The following ZBTB24 variants were observed in gnomAD, a reference collection of about 807,000 sequenced individuals.
ZBTB24 encodes zinc finger and BTB domain containing 24.
ZBTB24 carries 32 observed loss-of-function variants against 53.8 expected under a neutral mutation model. That is an observed-to-expected ratio of 0.60 (90% CI 0.45 to 0.80). The LOEUF is 0.80. Among genes scored for constraint, ZBTB24 ranks in the 30% least tolerant of loss-of-function variants. The pLI, the probability that ZBTB24 is intolerant of heterozygous loss-of-function variation, is 0.00. For missense variants in ZBTB24, 722 were observed against 837.1 expected (o/e 0.86, Z 1.70); for synonymous variants, 297 against 306.7 (o/e 0.97, Z 0.33).
rs1312380974 is a variant in ZBTB24 at position 109,483,208 on chromosome 6, A to AGCC, written c.-142_-140dup. On this transcript the variant is annotated 5_prime_UTR_variant, in exon 1 of 7. Transcript: ENST00000230122. ...GTTTCTGCTCCTGCGCCGCCGCCGC[A>AGCC]GCCACAGCCACAGCCAACCCGGAAG... 2 of 151,906 alleles carry AGCC rather than the reference A, an allele frequency of 1.3e-5. No homozygotes were observed. Among genetic ancestry groups the AGCC allele is most frequent in the Admixed American group, 1.3e-4 (2 of 15,238 alleles). The allele number at this position is 151,906 out of a possible 1,614,324, so 9.4% of individuals were successfully genotyped here.
intron 5 of ZBTB24, among the ~76,000 whole-genome samples, chr6:109,474,827 C>A (rs1582676742): frequency 6.6e-6 from 1 of 151,926 alleles, no homozygotes; most frequent in East Asian, 1.9e-4. Flanking sequence ...CTGCTTGAGC[C>A]CAGGAGTTCA....
chr6:109,463,611 ATC>A lies in ZBTB24; in HGVS notation c.*2238_*2239del, dbSNP rs755603393. On this transcript the variant is annotated 3_prime_UTR_variant, in exon 7 of 7. Transcript: ENST00000230122. Reference sequence around the variant, plus strand: ...TTTGTCTTAGCTACTTGATATGAGAATCTGTTTTCAACTGTAAGTTGTATGAA... The same window carrying A: ...TTTGTCTTAGCTACTTGATATGAGAATGTTTTCAACTGTAAGTTGTATGAA... 1 of 152,228 alleles carries A rather than the reference ATC, an allele frequency of 6.6e-6. No homozygotes were observed. Among genetic ancestry groups the A allele is most frequent in the African/African-American group, 2.4e-5 (1 of 41,458 alleles). The allele number at this position is 152,228 out of a possible 1,614,324, so 9.4% of individuals were successfully genotyped here.
intron 1 of ZBTB24, among the ~76,000 whole-genome samples, chr6:109,482,498 G>GT (rs773867934): frequency 0.3 from 42,623 of 144,038 alleles, 6,301 homozygotes; most frequent in East Asian, 0.45. Context: ...TTAGCTCGCG[G>GT]TTTTTTTTTT....
rs1238634719 is a variant in ZBTB24 at position 109,466,062 on chromosome 6, C to A, written c.1883G>T (p.Gly628Val). Residue 628 changes from glycine (G) to valine (V), a missense_variant, in exon 7 of 7, where the codon GGG becomes GTG. Coordinates refer to ENST00000230122, the MANE Select transcript of ZBTB24 (RefSeq NM_014797.3). ...QSLNMIESQMGPSQTEPVHVI... is the reference protein window; with the variant it reads ...QSLNMIESQMVPSQTEPVHVI... ...GTGCACTGGCTCTGTTTGTGAGGGC[C>A]CCATCTGGCTTTCAATCATATTGAG... The A allele has an allele frequency of 1.2e-6, 2 of 1,614,154 alleles. No individual in the cohort carries two copies. The highest frequency in any genetic ancestry group is 1.7e-6 in the Non-Finnish European group (2 of 1,180,034).
chr6:109,467,664 G>T lies in ZBTB24; in HGVS notation c.1359C>A (p.Ile453=). Reference sequence around the variant, plus strand: ...CTGCAAAACTTTACCGATGGATTCTGATGTGGGTCTGAAGAGAACTCTTTG... The same window carrying T: ...CTGCAAAACTTTACCGATGGATTCTTATGTGGGTCTGAAGAGAACTCTTTG... ...FTAKSSLQTH[I]RIHRGEKPYS... The change falls in exon 6 of 7, where the codon ATC becomes ATA. Residue 453 remains isoleucine (I), a synonymous_variant. Transcript: ENST00000230122. 2 of 1,614,136 alleles carry T rather than the reference G, an allele frequency of 1.2e-6. No individual in the cohort carries two copies. The highest frequency in any genetic ancestry group is 1.7e-6 in the Non-Finnish European group (2 of 1,180,026).
Position 109,481,879 on chromosome 6 carries a change from C to A in ZBTB24, c.148G>T (p.Ala50Ser). Residue 50 changes from alanine (A) to serine (S), a missense_variant, in exon 2 of 7, where the codon GCC becomes TCC. Coordinates refer to ENST00000230122, the MANE Select transcript of ZBTB24 (RefSeq NM_014797.3). ...CTGGCAGCAAGTAAGGCTTTGTGGG[C>A]CCGGAAATGTACATTCTCCACGATT... ...TLIVENVHFRAHKALLAASSE... is the reference protein window; with the variant it reads ...TLIVENVHFRSHKALLAASSE... 6.2e-7 allele frequency: 1 copy of A among 1,614,104 alleles called. No homozygotes were observed. Among genetic ancestry groups the A allele is most frequent in the Non-Finnish European group, 8.5e-7 (1 of 1,180,018 alleles).
At chr6:109,473,647 C>G (rs938364431) in intron 5 of ZBTB24, among the ~76,000 whole-genome samples, 1 of 152,218 alleles carries the variant, frequency 6.6e-6, no homozygotes, top group African/African-American at 2.4e-5. Flanking sequence ...CCCCTTAAGG[C>G]AGGGGCCTGT....
At position 109,465,332 on chromosome 6, in the gene ZBTB24, A is replaced by G. The variant is rs1776007305; in HGVS notation, c.*519T>C. On this transcript the variant is annotated 3_prime_UTR_variant, in exon 7 of 7. Coordinates refer to ENST00000230122, the MANE Select transcript of ZBTB24 (RefSeq NM_014797.3). ...GTTACTTTGTCTTAGGGGACTGGAA[A>G]TTATTAAAAGGGCAAATTCCCCATA... 3.0e-6 allele frequency: 1 copy of G among 331,130 alleles called. No homozygotes were observed. The highest frequency in any genetic ancestry group is 2.1e-5 in the African/African-American group (1 of 47,210). The allele number at this position is 331,130 out of a possible 1,614,324, so 20.5% of individuals were successfully genotyped here. A position where few individuals can be genotyped will look rare whatever the true frequency, so the allele number is the denominator to read the frequency against.
chr6:109,466,321 A>G lies in ZBTB24; in HGVS notation c.1624T>C (p.Tyr542His). 2 of 1,614,216 alleles carry G rather than the reference A, an allele frequency of 1.2e-6. No individual in the cohort carries two copies. The highest frequency in any genetic ancestry group is 1.7e-6 in the Non-Finnish European group (2 of 1,180,038). The change falls in exon 7 of 7, where the codon TAT (tyrosine) becomes CAT (histidine). Residue 542 changes from tyrosine to histidine, a missense_variant. Physicochemically the swap from Tyr to His is moderately conservative, Grantham distance 83. Coordinates refer to ENST00000230122, the MANE Select transcript of ZBTB24 (RefSeq NM_014797.3). ...EVRNILQLQP[Y>H]QLSTSGEQEI... ...TGCTCTCCCGAGGTAGAGAGTTGATATGGCTGTAGCTGAAGAATATTCCTG... is the reference window on the plus strand; with the variant it reads ...TGCTCTCCCGAGGTAGAGAGTTGATGTGGCTGTAGCTGAAGAATATTCCTG...
chr6:109,463,888 G>A lies in ZBTB24; in HGVS notation c.*1963C>T, dbSNP rs1020284598. The A allele has an allele frequency of 6.6e-6, 1 of 152,130 alleles. No homozygotes were observed. The highest frequency in any genetic ancestry group is 6.6e-5 in the Admixed American group (1 of 15,266). The allele number at this position is 152,130 out of a possible 1,614,324, so 9.4% of individuals were successfully genotyped here. On this transcript the variant is annotated 3_prime_UTR_variant, in exon 7 of 7. Coordinates refer to ENST00000230122, the MANE Select transcript of ZBTB24 (RefSeq NM_014797.3). ...TAGAACATTTAAAGTGACCTATGTT[G>A]TTCATGTTATAGTTCTCTTAGTGTA...
rs369787979 is a variant in ZBTB24 at position 109,466,502 on chromosome 6, G to A, written c.1443C>T (p.Cys481=). ...AAGGCTTCTTGCCAGTGTGTAGAAT[G>A]CAGTGTCTCCTTTTGGCACTGGAGT... ...FSDSSAKRRH[C]ILHTGKKPFS... The change falls in exon 7 of 7, where the codon TGC becomes TGT. Residue 481 remains cysteine (C), a synonymous_variant. Transcript: ENST00000230122. 7 of 1,614,102 alleles carry A rather than the reference G, an allele frequency of 4.3e-6. No individual in the cohort carries two copies. The highest frequency in any genetic ancestry group is 1.6e-4 in the Middle Eastern group (1 of 6,062).
chr6:109,483,061 G>T (rs1343642231), intron 1 of ZBTB24, 37 bp downstream of exon 1: 1 of 152,104 alleles, frequency 6.6e-6, no homozygotes, highest in East Asian at 1.9e-4. Context: ...CTACCGCTCA[G>T]GGGCGCCCGG....
At chr6:109,482,231 G>C (rs1194827482) in intron 1 of ZBTB24, among the ~76,000 whole-genome samples, 177 bp from the exon 2 acceptor site, 1 of 152,186 alleles carries the variant, frequency 6.6e-6, no homozygotes, top group African/African-American at 2.4e-5. Flanking sequence ...TGTAATCCCA[G>C]CACTTTGGGA....
Position 109,462,861 on chromosome 6 carries a change from A to T in ZBTB24, c.*2990T>A, listed in dbSNP as rs1407142130. 6.6e-6 allele frequency: 1 copy of T among 152,208 alleles called. No homozygotes were observed. The highest frequency in any genetic ancestry group is 1.5e-5 in the Non-Finnish European group (1 of 68,048). The allele number at this position is 152,208 out of a possible 1,614,324, so 9.4% of individuals were successfully genotyped here. A position where few individuals can be genotyped will look rare whatever the true frequency, so the allele number is the denominator to read the frequency against. On this transcript the variant is annotated 3_prime_UTR_variant, in exon 7 of 7. Coordinates refer to ENST00000230122, the MANE Select transcript of ZBTB24 (RefSeq NM_014797.3). ...GAAACACACTCTATATTTCTGTTAA[A>T]ACAATTTAAAAAATGGTACACATTT...
In ZBTB24 at chr6:109,476,187, G is replaced by A. The variant is rs867580676; in HGVS notation, c.1192C>T (p.Arg398Ter). 1.1e-5 allele frequency: 18 copies of A among 1,613,888 alleles called. No homozygotes were observed. The highest frequency in any genetic ancestry group is 2.2e-5 in the East Asian group (1 of 44,870). Residue 398 changes from arginine (R) to a stop codon, truncating the protein, a stop_gained, in exon 4 of 7, where the codon CGA (arginine) becomes TGA (stop). Coordinates refer to ENST00000230122, the MANE Select transcript of ZBTB24 (RefSeq NM_014797.3). LOFTEE classifies it high-confidence loss of function. ...CACTTTATCGTACCTGTATGAACTC[G>A]GTAATGGCTCTTTAGCTGTCTGTTC... ...SQNRQLKSHY[R>*]VHTGHSLPEC... is the part of the protein sequence containing the mutation.
In ZBTB24 at chr6:109,482,048, G is replaced by A. The variant is rs368086540; in HGVS notation, c.-22C>T. The A allele has an allele frequency of 8.7e-6, 14 of 1,606,774 alleles. No individual in the cohort carries two copies. Among genetic ancestry groups the A allele is most frequent in the Admixed American group, 5.0e-5 (3 of 59,946 alleles). On this transcript the variant is annotated 5_prime_UTR_variant, in exon 2 of 7. Transcript: ENST00000230122. Reference sequence around the variant, plus strand: ...CCATTTTCTTCAGAAGCCACTAAGGGTTAAATCTGAAATAAGAAAACAAGG... The same window carrying A: ...CCATTTTCTTCAGAAGCCACTAAGGATTAAATCTGAAATAAGAAAACAAGG...
At chr6:109,474,540 G>A (rs968963860) in intron 5 of ZBTB24, among the ~76,000 whole-genome samples, 1 of 152,226 alleles carries the variant, frequency 6.6e-6, no homozygotes, top group East Asian at 1.9e-4. Context: ...AGACCATCCT[G>A]GCCAACATGG....
chr6:109,482,779 T>C (rs980218215), intron 1 of ZBTB24, among the ~76,000 whole-genome samples: 1 of 152,158 alleles, frequency 6.6e-6, no homozygotes, highest in Non-Finnish European at 1.5e-5. Context: ...GCTGCCTCCA[T>C]CTCCCAGATT....
At position 109,482,044 on chromosome 6, in the gene ZBTB24, A is replaced by G. The variant is rs1368408351; in HGVS notation, c.-18T>C. On this transcript the variant is annotated 5_prime_UTR_variant, in exon 2 of 7. Transcript: ENST00000230122. ...TCTGCCATTTTCTTCAGAAGCCACT[A>G]AGGGTTAAATCTGAAATAAGAAAAC... 3.7e-6 allele frequency: 6 copies of G among 1,609,230 alleles called. No homozygotes were observed. The Admixed American group carries it at 1.0e-4, about 27-fold the overall frequency.
Sources: gnomAD v4.1 joint callset for allele counts (sites outside exome capture counted in the v4.1 genomes callset) on GRCh38, gnomAD v4.1.1 for gene constraint, MANE v1.5 for transcripts, NCBI Gene and HGNC (gene_info 2026-07-23, HGNC 2026-07-21) for gene names.